The following PROX1 variants were observed in gnomAD, a reference collection of about 807,000 sequenced individuals.
The protein encoded by PROX1 is prospero homeobox protein 1.
In PROX1, 7 loss-of-function variants were observed where a neutral mutation model predicts 58.8. The ratio of observed to expected loss-of-function variants is 0.12; its 90% CI spans 0.07 to 0.22. The LOEUF (loss-of-function observed/expected upper bound fraction) is 0.22, where lower values mean the gene tolerates loss of function less well. Among genes scored for constraint, PROX1 ranks in the 10% least tolerant of loss-of-function variants. PROX1 has a pLI of 1.00. For synonymous variants in PROX1, 350 were observed against 358.3 expected, an observed-to-expected ratio of 0.98 and a Z score of 0.26; for missense variants, 675 against 927.8, an observed-to-expected ratio of 0.73 and a Z score of 3.54.
chr1:213,998,681 G>A (rs1450248240), intron 2 of PROX1, among the ~76,000 whole-genome samples: 2 of 152,134 alleles, frequency 1.3e-5, no homozygotes, highest in African/African-American at 4.8e-5. Context: ...AATAGAATAA[G>A]GAGAAAAGTC....
At chr1:214,000,043 T>C (rs201916317) in intron 2 of PROX1, among the ~76,000 whole-genome samples, 1,556 of 149,250 alleles carry the variant, frequency 0.01, 21 homozygotes, top group African/African-American at 0.036. Flanking sequence ...CTCTCTCTCT[T>C]ACACACACAC....
intron 1 of PROX1, among the ~76,000 whole-genome samples, chr1:213,995,094 C>T (rs1326445095): frequency 6.6e-6 from 1 of 151,914 alleles, no homozygotes. Flanking sequence ...GGAGCCGTTC[C>T]AGACACTCTG....
chr1:214,006,285 G>C (rs1663710135), intron 3 of PROX1, among the ~76,000 whole-genome samples: 1 of 152,026 alleles, frequency 6.6e-6, no homozygotes, highest in African/African-American at 2.4e-5. Context: ...TGATGCCCAA[G>C]TGGCTTCATT....
chr1:214,002,412 C>CTTTTTTTTTTTTTTTTTTTTTTT (rs774337530), intron 2 of PROX1, among the ~76,000 whole-genome samples: 3 of 116,378 alleles, frequency 2.6e-5, no homozygotes, highest in African/African-American at 6.7e-5. Context: ...TTTCTTTTTT[C>CTTTTTTTTTTTTTTTTTTTTTTT]TTTTTTTTTT....
chr1:214,013,197 T>G (rs994400418), intron 4 of PROX1, among the ~76,000 whole-genome samples: 2 of 151,984 alleles, frequency 1.3e-5, no homozygotes, highest in African/African-American at 4.8e-5. Context: ...GTGAGAATTC[T>G]TCGTGTACTG....
chr1:213,990,659 CGTGTGTGTGTGTGTGTGTGTGTGT>C (rs71165944), intron 1 of PROX1, among the ~76,000 whole-genome samples: 58 of 136,020 alleles, frequency 4.3e-4, no homozygotes, highest in Admixed American at 1.6e-3. Context: ...AGAGAACTGT[CGTGTGTGTGTGTGTGTGTGTGTGT>C]GTGTGTGTGT....
At chr1:214,019,240 C>A (rs985759842) in intron 4 of PROX1, among the ~76,000 whole-genome samples, 4 of 152,028 alleles carry the variant, frequency 2.6e-5, no homozygotes, top group African/African-American at 4.8e-5. Context: ...TTTGCCCCCC[C>A]ACCCCAAAAC....
chr1:214,033,314 T>C (rs1487009000), intron 4 of PROX1, among the ~76,000 whole-genome samples: 2 of 152,198 alleles, frequency 1.3e-5, no homozygotes, highest in Non-Finnish European at 2.9e-5. Context: ...ATGCCTATAA[T>C]TGGCCAGGTG....
intron 3 of PROX1, among the ~76,000 whole-genome samples, chr1:214,006,307 G>T (rs905205779): frequency 1.3e-5 from 2 of 152,126 alleles, no homozygotes; most frequent in Non-Finnish European, 1.5e-5. Context: ...GCCCCATTTT[G>T]CAGGCCAACT....
intron 2 of PROX1, among the ~76,000 whole-genome samples, chr1:214,000,042 T>TCACACACACACACACA (rs1558172446): frequency 7.5e-6 from 1 of 134,194 alleles, no homozygotes; most frequent in African/African-American, 3.0e-5. Flanking sequence ...TCTCTCTCTC[T>TCACACACACACACACA]TACACACACA....
rs1663332147 is a variant in PROX1 at position 213,997,783 on chromosome 1, C to G, written c.1248C>G (p.Ile416Met). Residue 416 changes from isoleucine (I) to methionine (M), a missense_variant, in exon 2 of 5, where the codon ATC (isoleucine) becomes ATG (methionine). Physicochemically the swap from Ile to Met is conservative, Grantham distance 10. Transcript: ENST00000366958. The surrounding 1 kb of genome is among the most constrained non-coding windows in gnomAD (Gnocchi z 7.1). ...NQRLQCFGDV[I>M]IPNPLDTFGN... The stretch of plus-strand genomic sequence containing the variant: ...GCCTGCAGTGCTTTGGCGACGTCAT[C>G]ATTCCGAACCCCCTGGACACCTTTG... 6.2e-7 allele frequency: 1 copy of G among 1,614,256 alleles called. No individual in the cohort carries two copies. The highest frequency in any genetic ancestry group is 1.6e-4 in the Middle Eastern group (1 of 6,062).
chr1:214,011,048 G>A (rs1465258512), intron 3 of PROX1, among the ~76,000 whole-genome samples: 2 of 152,084 alleles, frequency 1.3e-5, no homozygotes, highest in Non-Finnish European at 2.9e-5. Flanking sequence ...CTGCATTGAA[G>A]GGGGCTGTAA....
intron 4 of PROX1, chr1:214,029,247 C>A (rs985618311): frequency 6.6e-6 from 1 of 152,200 alleles, no homozygotes; most frequent in East Asian, 1.9e-4. Flanking sequence ...TGTGCAGATG[C>A]CCATTCTCTT....
intron 4 of PROX1, among the ~76,000 whole-genome samples, chr1:214,035,400 C>A (rs1313338813): frequency 6.6e-6 from 1 of 152,102 alleles, no homozygotes; most frequent in African/African-American, 2.4e-5. Flanking sequence ...CAATGAAATC[C>A]CAGTTTTTCA....
At chr1:214,015,374 G>A (rs1477209981) in intron 4 of PROX1, among the ~76,000 whole-genome samples, 1 of 151,954 alleles carries the variant, frequency 6.6e-6, no homozygotes, top group African/African-American at 2.4e-5. Context: ...CAGGTGTGAT[G>A]GTATATATTT....
At position 214,017,644 on chromosome 1, in the gene PROX1, G is replaced by A. The variant is rs375180046; in HGVS notation, c.2028+5929G>A. ...AGAATAGAATTATACAAGGGCAGGC[G>A]CACACACAAAAAAATCTTTGCTTTC... On this transcript the variant is annotated intron_variant, in intron 4 of 4. Transcript: ENST00000366958. 6.0e-5 allele frequency among the ~76,000 whole-genome samples: 9 copies of A among 151,204 alleles called. No homozygotes were observed. In the East Asian group the frequency reaches 1.6e-3, roughly 26 times the overall value.
intron 1 of PROX1, among the ~76,000 whole-genome samples, chr1:213,989,176 C>T (rs1240013119): frequency 6.6e-6 from 1 of 151,986 alleles, no homozygotes; most frequent in Non-Finnish European, 1.5e-5. Context: ...CGCTCTGTTA[C>T]TTTCGTCTCA....
intron 4 of PROX1, among the ~76,000 whole-genome samples, chr1:214,021,335 C>T (rs1252648294): frequency 6.6e-6 from 1 of 152,086 alleles, no homozygotes; most frequent in Non-Finnish European, 1.5e-5. Flanking sequence ...AACGTGATTC[C>T]CCTAGAACTC....
chr1:213,993,602 A>G (rs529798486), intron 1 of PROX1, among the ~76,000 whole-genome samples: 25 of 152,320 alleles, frequency 1.6e-4, no homozygotes, highest in East Asian at 3.9e-4. Flanking sequence ...TGATGCTAAT[A>G]AAGTGCTGTG....
Sources: allele counts gnomAD v4.1 joint callset (sites outside exome capture counted in the v4.1 genomes callset), GRCh38; gene constraint gnomAD v4.1.1; non-coding constraint Gnocchi (gnomAD v3.1); transcripts MANE v1.5; gene names NCBI Gene and HGNC (gene_info 2026-07-23, HGNC 2026-07-21).